The following GPR158 variants were observed in gnomAD, a reference collection of about 807,000 sequenced individuals.
The protein encoded by GPR158 is metabotropic glycine receptor.
Under a neutral mutation model 78.2 loss-of-function variants are expected in GPR158, and 30 were observed. The ratio of observed to expected loss-of-function variants is 0.38; its 90% CI spans 0.29 to 0.52. The LOEUF (loss-of-function observed/expected upper bound fraction) is 0.52. Ranked by LOEUF, GPR158 falls within the 20% of genes least tolerant of loss-of-function variation. The pLI, the probability that GPR158 is intolerant of heterozygous loss-of-function variation, is 0.83. For synonymous variants in GPR158, 581 were observed against 591.1 expected (o/e 0.98, Z 0.25); for missense variants, 1,463 against 1,523.5 (o/e 0.96, Z 0.66).
At chr10:25,558,094 C>CTAT (rs1159249627) in intron 6 of GPR158, among the ~76,000 whole-genome samples, 1 of 152,176 alleles carries the variant, frequency 6.6e-6, no homozygotes, top group Non-Finnish European at 1.5e-5. Flanking sequence ...TACAGCATTA[C>CTAT]TATTTTATGT....
intron 5 of GPR158, among the ~76,000 whole-genome samples, chr10:25,514,981 G>A (rs1242821935): frequency 1.3e-5 from 2 of 152,152 alleles, no homozygotes; most frequent in Middle Eastern, 3.4e-3. Flanking sequence ...ATAACCTAAT[G>A]ACTATGTGCC....
At chr10:25,436,699 A>G (rs1040588607) in intron 4 of GPR158, among the ~76,000 whole-genome samples, 1 of 152,188 alleles carries the variant, frequency 6.6e-6, no homozygotes, top group Non-Finnish European at 1.5e-5. Context: ...ATTATTGGGA[A>G]ACTTAGCAGT....
At chr10:25,317,716 G>GTTTTGTTTTTTTTTTTTT (rs1554793351) in intron 2 of GPR158, among the ~76,000 whole-genome samples, 15 of 134,072 alleles carry the variant, frequency 1.1e-4, no homozygotes, top group South Asian at 2.4e-4. Context: ...TTCGTAAAGT[G>GTTTTGTTTTTTTTTTTTT]TTTTTTTTTG....
At chr10:25,335,347 C>T (rs1855182008) in intron 2 of GPR158, among the ~76,000 whole-genome samples, 1 of 151,954 alleles carries the variant, frequency 6.6e-6, no homozygotes, top group Admixed American at 6.6e-5. Flanking sequence ...AATATCTAGG[C>T]TTATGAAGTG....
intron 5 of GPR158, among the ~76,000 whole-genome samples, chr10:25,529,419 A>G (rs117754511): frequency 0.035 from 5,391 of 152,264 alleles, 144 homozygotes; most frequent in South Asian, 0.087. Context: ...ATACAAATCA[A>G]TGGACATAAA....
chr10:25,187,648 T>A (rs1261856031), intron 1 of GPR158, among the ~76,000 whole-genome samples: 1 of 152,182 alleles, frequency 6.6e-6, no homozygotes, highest in East Asian at 1.9e-4. Context: ...TAATAAGAGC[T>A]ATTTATGACA....
intron 2 of GPR158, among the ~76,000 whole-genome samples, chr10:25,292,451 G>C (rs185473442): frequency 6.6e-6 from 1 of 151,816 alleles, no homozygotes; most frequent in Non-Finnish European, 1.5e-5. Context: ...ACTTTCCCAC[G>C]ATGAGTAGAC....
chr10:25,475,955 AT>A (rs1835578038), intron 5 of GPR158: 1 of 152,118 alleles, frequency 6.6e-6, no homozygotes, highest in African/African-American at 2.4e-5. Flanking sequence ...AATTAAGGTT[AT>A]TTTTGCCTTT....
chr10:25,292,470 G>C (rs908157043), intron 2 of GPR158, among the ~76,000 whole-genome samples: 5 of 151,964 alleles, frequency 3.3e-5, no homozygotes, highest in African/African-American at 1.2e-4. Context: ...ACAATTCAAA[G>C]CATTTCATTG....
At chr10:25,242,103 G>A (rs1394139755) in intron 2 of GPR158, among the ~76,000 whole-genome samples, 7 of 152,182 alleles carry the variant, frequency 4.6e-5, no homozygotes, top group African/African-American at 1.4e-4. Flanking sequence ...GTAGCCACGT[G>A]GTTTCGTGAA....
At chr10:25,479,606 G>A (rs747605203) in intron 5 of GPR158, among the ~76,000 whole-genome samples, 3 of 151,962 alleles carry the variant, frequency 2.0e-5, no homozygotes, top group Non-Finnish European at 2.9e-5. Context: ...ATAGAGATGA[G>A]GTTTCACCAT....
intron 6 of GPR158, among the ~76,000 whole-genome samples, chr10:25,561,804 GTCTTT>G (rs1836864215): frequency 6.6e-6 from 1 of 152,162 alleles, no homozygotes; most frequent in Non-Finnish European, 1.5e-5. Context: ...CATTTCCTCA[GTCTTT>G]TCTTACAGAT....
intron 3 of GPR158, among the ~76,000 whole-genome samples, chr10:25,408,533 T>C (rs564802637): frequency 1.3e-5 from 2 of 152,326 alleles, no homozygotes; most frequent in South Asian, 2.1e-4. Context: ...CTATGACTTT[T>C]GACACTGTAG....
rs373194972 is a variant in GPR158 at position 25,353,002 on chromosome 10, A to G, written c.1009-42909A>G. Among the ~76,000 whole-genome samples, 13 of 152,194 alleles carry G rather than the reference A, an allele frequency of 8.5e-5. No individual in the cohort carries two copies. The South Asian group carries it at 2.3e-3, about 27-fold the overall frequency. On this transcript the variant is annotated intron_variant, in intron 2 of 10. Transcript: ENST00000376351. Reference sequence around the variant, plus strand: ...AAGACAATCTGAAGTAGTTATTTCTAAGATTATATTCTAGAGCTTTGCTTA... The same window carrying G: ...AAGACAATCTGAAGTAGTTATTTCTGAGATTATATTCTAGAGCTTTGCTTA...
At chr10:25,546,945 G>A (rs1836668878) in intron 5 of GPR158, among the ~76,000 whole-genome samples, 1 of 152,140 alleles carries the variant, frequency 6.6e-6, no homozygotes, top group African/African-American at 2.4e-5. Context: ...TAGTGATGTT[G>A]TAGAGATCAG....
At chr10:25,496,611 G>A (rs1205959355) in intron 5 of GPR158, among the ~76,000 whole-genome samples, 1 of 152,142 alleles carries the variant, frequency 6.6e-6, no homozygotes, top group Non-Finnish European at 1.5e-5. Flanking sequence ...AGGAAAGAAG[G>A]AACTTTAACT....
intron 2 of GPR158, among the ~76,000 whole-genome samples, chr10:25,332,557 G>A (rs1470430310): frequency 6.6e-6 from 1 of 152,174 alleles, no homozygotes; most frequent in Admixed American, 6.5e-5. Context: ...CTGGAAACCT[G>A]TAAGGAGCCT....
chr10:25,260,657 G>T (rs112976622), intron 2 of GPR158, among the ~76,000 whole-genome samples: 1 of 151,896 alleles, frequency 6.6e-6, no homozygotes, highest in African/African-American at 2.4e-5. Context: ...CTTTGAAAGC[G>T]CTGGGTTTAA....
intron 7 of GPR158, among the ~76,000 whole-genome samples, chr10:25,576,251 T>C (rs534832225): frequency 6.6e-6 from 1 of 152,298 alleles, no homozygotes; most frequent in South Asian, 2.1e-4. Flanking sequence ...CTGTATGCCT[T>C]TGTGTGCCCA....
Sources: gnomAD v4.1 joint callset for allele counts (sites outside exome capture counted in the v4.1 genomes callset) on GRCh38, gnomAD v4.1.1 for gene constraint, MANE v1.5 for transcripts, NCBI Gene and HGNC (gene_info 2026-07-23, HGNC 2026-07-21) for gene names.